The following ZNF69 variants were observed in gnomAD, a reference collection of about 807,000 sequenced individuals.
ZNF69 encodes the protein ZNF3.
Under a neutral mutation model 50.9 loss-of-function variants are expected in ZNF69, and 47 were observed. The observed-to-expected ratio is 0.92, with a 90% CI of 0.73 to 1.18. The LOEUF (loss-of-function observed/expected upper bound fraction) is 1.18, where lower values mean the gene tolerates loss of function less well. ZNF69 is among the 50% of genes most tolerant of loss of function. The pLI is 0.00. For missense variants in ZNF69, 717 were observed against 675.1 expected (o/e 1.06, Z -0.69); for synonymous variants, 216 against 223.1 (o/e 0.97, Z 0.29).
the ZNF69 span, among the ~76,000 whole-genome samples, chr19:11,929,206 C>T: frequency 6.7e-6 from 1 of 148,430 alleles, no homozygotes. Flanking sequence ...CACTCTGTCA[C>T]CCAGGCTGGA....
At chr19:11,913,379 C>A in intron 4 of ZNF69, 2 of 604,782 alleles carry the variant, frequency 3.3e-6, no homozygotes, top group South Asian at 3.9e-5. Context: ...TATCTCAACC[C>A]TAATTTTTCT....
chr19:11,935,481 C>T, the ZNF69 span, among the ~76,000 whole-genome samples: 1 of 152,030 alleles, frequency 6.6e-6, no homozygotes, highest in Non-Finnish European at 1.5e-5. Context: ...ATCCACCCAC[C>T]TCAGCCTCCC....
chr19:11,962,765 A>G, the ZNF69 span, among the ~76,000 whole-genome samples: 2 of 152,188 alleles, frequency 1.3e-5, no homozygotes, highest in African/African-American at 4.8e-5. Context: ...ATTCTAGGAC[A>G]CTAGGTATGA....
At chr19:11,908,012 C>T (rs1477489552), downstream of ZNF69, among the ~76,000 whole-genome samples, 1 of 152,096 alleles carries the variant, frequency 6.6e-6, no homozygotes, top group Admixed American at 6.6e-5. Context: ...ACAAAAAAAG[C>T]AGGGGTTGCA....
chr19:11,907,458 A>C (rs1972395829), downstream of ZNF69, among the ~76,000 whole-genome samples: 1 of 152,264 alleles, frequency 6.6e-6, no homozygotes, highest in Non-Finnish European at 1.5e-5. Context: ...GAAGCCCGTC[A>C]GACTAACAGC....
chr19:11,969,004 A>G, the ZNF69 span, among the ~76,000 whole-genome samples: 2 of 152,240 alleles, frequency 1.3e-5, no homozygotes, highest in African/African-American at 4.8e-5. Context: ...CCAGCTAGCT[A>G]GGTGAAAGTT....
the ZNF69 span, among the ~76,000 whole-genome samples, chr19:11,951,913 G>A: frequency 1.7e-3 from 255 of 152,298 alleles, 2 homozygotes; most frequent in African/African-American, 5.7e-3. Context: ...TGTGGCTCAC[G>A]CCTGTAATCA....
chr19:11,950,019 A>G, the ZNF69 span: 1 of 1,614,052 alleles, frequency 6.2e-7, no homozygotes, highest in Non-Finnish European at 8.5e-7. Flanking sequence ...CTTTTCAAAT[A>G]CATGAAAGGA....
the ZNF69 span, among the ~76,000 whole-genome samples, chr19:11,966,610 G>A: frequency 6.6e-6 from 1 of 152,146 alleles, no homozygotes; most frequent in Non-Finnish European, 1.5e-5. Context: ...CTGACCTCAA[G>A]TGATCCACCT....
chr19:11,946,449 G>A, the ZNF69 span, among the ~76,000 whole-genome samples: 1 of 152,100 alleles, frequency 6.6e-6, no homozygotes, highest in Non-Finnish European at 1.5e-5. Flanking sequence ...CTTGGCGGGT[G>A]GGGAGAGATC....
At chr19:11,931,157 C>T in the ZNF69 span, among the ~76,000 whole-genome samples, 2 of 148,136 alleles carry the variant, frequency 1.4e-5, no homozygotes, top group African/African-American at 5.3e-5. Flanking sequence ...TCTTAGTCAT[C>T]TTGGGCTGCT....
chr19:11,933,509 C>T, the ZNF69 span, among the ~76,000 whole-genome samples: 1 of 147,718 alleles, frequency 6.8e-6, no homozygotes, highest in African/African-American at 2.7e-5. Context: ...CTGTGCTCTT[C>T]CTAATCATAG....
In ZNF69 at chr19:11,887,890, C is replaced by A; in HGVS notation, c.-34C>A. 1.9e-6 allele frequency: 3 copies of A among 1,601,322 alleles called. No individual in the cohort carries two copies. Among genetic ancestry groups the A allele is most frequent in the Non-Finnish European group, 2.6e-6 (3 of 1,171,040 alleles). ...CAGCCCCGAGAGGGACCTGGTTCCT[C>A]TGCCCAGGCTTCTGTCACTCTGTCA... is the stretch of plus-strand genomic sequence containing the variant. On this transcript the variant is annotated 5_prime_UTR_variant, in exon 1 of 4. It adds an upstream start codon to the 5' untranslated region. Coordinates refer to ENST00000429654, the MANE Select transcript of ZNF69 (RefSeq NM_001364730.1).
the ZNF69 span, among the ~76,000 whole-genome samples, chr19:11,929,934 A>T: frequency 4.1e-5 from 6 of 148,090 alleles, no homozygotes; most frequent in African/African-American, 1.6e-4. Flanking sequence ...AGGTTCCTTT[A>T]TGGAAACTTT....
Position 11,905,938 on chromosome 19 carries a change from C to A in ZNF69, c.1541C>A (p.Ala514Asp), listed in dbSNP as rs1972364277. The A allele has an allele frequency of 6.2e-7, 1 of 1,613,776 alleles. No homozygotes were observed. The highest frequency in any genetic ancestry group is 8.5e-7 in the Non-Finnish European group (1 of 1,179,980). Residue 514 changes from alanine (A) to aspartate (D), a missense_variant, in exon 4 of 4, where the codon GCC becomes GAC. By Grantham distance (126) the Ala-to-Asp change is moderately radical (BLOSUM62 -2). Coordinates refer to ENST00000429654, the MANE Select transcript of ZNF69 (RefSeq NM_001364730.1). ...TATGAATGCAAGCAATGTGGTGAAGCCTTCAGTAGTTCCAGTTCCTTTCGA... is the reference window on the plus strand; with the variant it reads ...TATGAATGCAAGCAATGTGGTGAAGACTTCAGTAGTTCCAGTTCCTTTCGA... ...KLYECKQCGE[A>D]FSSSSSFRYH...
intron 1 of ZNF69, among the ~76,000 whole-genome samples, chr19:11,889,387 C>G (rs1977027057): frequency 6.6e-6 from 1 of 152,208 alleles, no homozygotes; most frequent in Non-Finnish European, 1.5e-5. Flanking sequence ...TCCTGTCATA[C>G]AGAGGCACTC....
chr19:11,946,284 G>C, the ZNF69 span, among the ~76,000 whole-genome samples: 1 of 152,156 alleles, frequency 6.6e-6, no homozygotes, highest in East Asian at 1.9e-4. Context: ...TGTTCTGGGT[G>C]GTCTAGGGGT....
At chr19:11,925,316 G>T in the ZNF69 span, 1 of 1,604,836 alleles carries the variant, frequency 6.2e-7, no homozygotes, top group East Asian at 2.3e-5. Context: ...GGGAGGGGCT[G>T]CCTGGAACAG....
chr19:11,962,631 G>C, the ZNF69 span, among the ~76,000 whole-genome samples: 1 of 151,976 alleles, frequency 6.6e-6, no homozygotes, highest in Non-Finnish European at 1.5e-5. Flanking sequence ...CCAAAGTGCT[G>C]AGATTACAGT....
Sources: gnomAD v4.1 joint callset for allele counts (sites outside exome capture counted in the v4.1 genomes callset) on GRCh38, gnomAD v4.1.1 for gene constraint, MANE v1.5 for transcripts, NCBI Gene and HGNC (gene_info 2026-07-23, HGNC 2026-07-21) for gene names.